The following GRIK3 variants were observed in gnomAD, a reference collection of about 807,000 sequenced individuals.
GRIK3 encodes the protein glutamate receptor ionotropic, kainate 3.
A neutral mutation model predicts 102.5 loss-of-function variants in GRIK3; 29 were observed. The observed-to-expected ratio is 0.28, with a 90% CI of 0.21 to 0.39. The LOEUF is 0.39. Ranked by LOEUF, GRIK3 falls within the 10% of genes least tolerant of loss-of-function variation. The probability of loss-of-function intolerance (pLI) is 1.00; values close to 1 mark genes in which losing one functional copy is unlikely to be tolerated. For missense variants in GRIK3, 908 were observed against 1,252.4 expected (o/e 0.73, Z 4.15); for synonymous variants, 511 against 504.9 (o/e 1.01, Z -0.16).
At chr1:36,856,308 G>T (rs953215624) in intron 7 of GRIK3, among the ~76,000 whole-genome samples, 1 of 152,226 alleles carries the variant, frequency 6.6e-6, no homozygotes, top group African/African-American at 2.4e-5. Context: ...GCCAGCAGGT[G>T]CACGGCCTGT....
intron 1 of GRIK3, among the ~76,000 whole-genome samples, chr1:36,991,691 A>T (rs1020329122): frequency 8.5e-5 from 13 of 152,228 alleles, no homozygotes; most frequent in African/African-American, 3.1e-4. Flanking sequence ...GAACTCCAAG[A>T]TCCCTGAGGG....
intron 8 of GRIK3, 34 bp downstream of exon 8, chr1:36,853,581 C>T (rs1219415135): frequency 8.6e-6 from 12 of 1,399,404 alleles, no homozygotes; most frequent in Non-Finnish European, 1.2e-5. Flanking sequence ...GCCCCTGCTC[C>T]TCCGCCTGCC....
At chr1:36,893,978 T>C (rs1641146079) in intron 1 of GRIK3, among the ~76,000 whole-genome samples, 1 of 152,202 alleles carries the variant, frequency 6.6e-6, no homozygotes, top group Non-Finnish European at 1.5e-5. Context: ...CTTTCTATAT[T>C]TTTTCCAATT....
At chr1:36,854,464 CAGAG>C (rs551280934) in intron 7 of GRIK3, among the ~76,000 whole-genome samples, 326 of 152,252 alleles carry the variant, frequency 2.1e-3, no homozygotes, top group Non-Finnish European at 3.8e-3. Flanking sequence ...ATTAATAACA[CAGAG>C]AGAGGAAGGC....
chr1:36,894,309 T>C (rs975888449), intron 1 of GRIK3, among the ~76,000 whole-genome samples: 1 of 152,268 alleles, frequency 6.6e-6, no homozygotes, highest in Admixed American at 6.5e-5. Flanking sequence ...GGTTCATCCA[T>C]ATTAGTGTCA....
At chr1:36,905,658 G>A (rs767891138) in intron 1 of GRIK3, among the ~76,000 whole-genome samples, 1 of 152,150 alleles carries the variant, frequency 6.6e-6, no homozygotes, top group Non-Finnish European at 1.5e-5. Context: ...GGAAGGATTT[G>A]TACCAAAATG....
intron 1 of GRIK3, among the ~76,000 whole-genome samples, chr1:36,974,358 G>A (rs1193272918): frequency 6.6e-6 from 1 of 152,124 alleles, no homozygotes; most frequent in Non-Finnish European, 1.5e-5. Flanking sequence ...GTTAAAATAT[G>A]TTAACATATA....
At chr1:36,949,739 T>A (rs1251455657) in intron 1 of GRIK3, among the ~76,000 whole-genome samples, 2 of 152,014 alleles carry the variant, frequency 1.3e-5, no homozygotes, top group African/African-American at 2.4e-5. Flanking sequence ...CATGTCCGGC[T>A]AATACTTTTT....
rs148513995 is a variant in GRIK3, at chr1:36,813,653, C to T, written c.2091+3407G>A. On this transcript the variant is annotated intron_variant, in intron 13 of 15. Coordinates refer to ENST00000373091, the MANE Select transcript of GRIK3 (RefSeq NM_000831.4). Reference sequence around the variant, plus strand: ...CATTCTGTGCTAACCAGAAGGCTATCACCTGGCCCGGGGGGAAGGTCTACT... The same window carrying T: ...CATTCTGTGCTAACCAGAAGGCTATTACCTGGCCCGGGGGGAAGGTCTACT... Among the ~76,000 whole-genome samples the T allele has an allele frequency of 2.1e-3, 323 of 152,188 alleles. 2 individuals are homozygous for T. Among genetic ancestry groups the T allele is most frequent in the African/African-American group, 7.4e-3 (306 of 41,502 alleles).
At chr1:36,977,783 C>G (rs1642210276) in intron 1 of GRIK3, among the ~76,000 whole-genome samples, 1 of 152,192 alleles carries the variant, frequency 6.6e-6, no homozygotes, top group Non-Finnish European at 1.5e-5. Context: ...ACCCACCCAC[C>G]CATTAGCAGG....
chr1:37,016,941 G>A (rs999377777), intron 1 of GRIK3, among the ~76,000 whole-genome samples: 5 of 152,104 alleles, frequency 3.3e-5, no homozygotes, highest in East Asian at 3.9e-4. Flanking sequence ...AGGGCCAGGC[G>A]CGGTGGCTCA....
chr1:37,011,386 C>T (rs1033001067), intron 1 of GRIK3, among the ~76,000 whole-genome samples: 2 of 152,202 alleles, frequency 1.3e-5, no homozygotes, highest in Non-Finnish European at 2.9e-5. Context: ...CCCTCAGCAG[C>T]GAAAGGCAGC....
At chr1:36,980,143 A>G (rs530611434) in intron 1 of GRIK3, among the ~76,000 whole-genome samples, 4 of 152,228 alleles carry the variant, frequency 2.6e-5, no homozygotes, top group Admixed American at 6.5e-5. Context: ...TGAACCTCCA[A>G]CTTGTTCTCT....
Position 36,850,329 on chromosome 1 carries a change from G to A in GRIK3, c.1308C>T (p.Leu436=), listed in dbSNP as rs747398635. The A allele has an allele frequency of 1.2e-6, 2 of 1,605,246 alleles. No homozygotes were observed. The highest frequency in any genetic ancestry group is 1.7e-6 in the Non-Finnish European group (2 of 1,171,890). Residue 436 remains leucine, a synonymous_variant, in exon 9 of 16, where the codon CTC becomes CTT. Transcript: ENST00000373091. The surrounding 1 kb of genome is among the most constrained non-coding windows in gnomAD (Gnocchi z 4.0). ...NVTDSLTNRS[L]IVTTVLEEPF... is the part of the protein sequence containing the mutation. ...CTCTTACCAGCACTGTGGTGACAAT[G>A]AGTGATCTGTTTGTCAGAGAGTCGG...
intron 9 of GRIK3, among the ~76,000 whole-genome samples, chr1:36,843,048 C>T (rs112317619): frequency 0.011 from 1,619 of 152,162 alleles, 28 homozygotes; most frequent in African/African-American, 0.036. Context: ...AGCCTGGGAC[C>T]GGATTTGAAC....
chr1:36,956,455 G>A (rs537121425), intron 1 of GRIK3, among the ~76,000 whole-genome samples: 9 of 152,272 alleles, frequency 5.9e-5, no homozygotes, highest in Admixed American at 5.2e-4. Flanking sequence ...CATGCCCACC[G>A]GAGAGGGAAA....
intron 3 of GRIK3, among the ~76,000 whole-genome samples, chr1:36,874,249 C>T (rs1640887708): frequency 6.6e-6 from 1 of 152,190 alleles, no homozygotes; most frequent in South Asian, 2.1e-4. Context: ...TATTCTCATT[C>T]CTGAGGGCTG....
chr1:36,957,247 A>C (rs913593350), intron 1 of GRIK3, among the ~76,000 whole-genome samples: 1 of 152,172 alleles, frequency 6.6e-6, no homozygotes, highest in East Asian at 1.9e-4. Context: ...AGCTTCCATG[A>C]GCCTCTGTGC....
intron 8 of GRIK3, among the ~76,000 whole-genome samples, chr1:36,851,780 G>A (rs925523438): frequency 5.3e-5 from 8 of 152,196 alleles, no homozygotes; most frequent in East Asian, 1.9e-4. Context: ...TATTAGCTAC[G>A]GCCAATTTGA....
Sources: gnomAD v4.1 joint callset for allele counts (sites outside exome capture counted in the v4.1 genomes callset) on GRCh38, gnomAD v4.1.1 for gene constraint, Gnocchi (gnomAD v3.1) non-coding constraint, MANE v1.5 for transcripts, NCBI Gene and HGNC (gene_info 2026-07-23, HGNC 2026-07-21) for gene names.